Variants in STPG2 observed in about 807,000 individuals in gnomAD.
STPG2 encodes the protein sperm tail PG-rich repeat containing 2.
In STPG2, 56 loss-of-function variants were observed where a neutral mutation model predicts 54.2. The observed-to-expected ratio is 1.03, with a 90% CI of 0.83 to 1.29. The LOEUF (loss-of-function observed/expected upper bound fraction) is 1.29. STPG2 is among the 50% of genes most tolerant of loss of function. The probability of loss-of-function intolerance (pLI) is 0.00; values close to 1 mark genes in which losing one functional copy is unlikely to be tolerated. For missense variants in STPG2, 596 were observed against 544.9 expected (o/e 1.09, Z -0.93); for synonymous variants, 200 against 181.8 (o/e 1.10, Z -0.81).
intron 4 of STPG2, among the ~76,000 whole-genome samples, chr4:97,538,388 G>C (rs1381006542): frequency 6.6e-6 from 1 of 152,158 alleles, no homozygotes; most frequent in East Asian, 1.9e-4. Flanking sequence ...ACAACTACGT[G>C]ACAAATGCAC....
At chr4:97,928,337 G>A (rs886342081) in intron 8 of STPG2, among the ~76,000 whole-genome samples, 5 of 152,076 alleles carry the variant, frequency 3.3e-5, no homozygotes, top group African/African-American at 1.2e-4. Context: ...CTAACTCTTG[G>A]AAAAATTCAT....
chr4:97,948,975 G>T (rs1023688943), intron 7 of STPG2, among the ~76,000 whole-genome samples: 3 of 152,042 alleles, frequency 2.0e-5, no homozygotes, highest in African/African-American at 7.2e-5. Context: ...TTGAATTTCT[G>T]TCTCAGTCAT....
At chr4:97,645,874 C>T (rs1188492574) in intron 10 of STPG2, among the ~76,000 whole-genome samples, 1 of 152,078 alleles carries the variant, frequency 6.6e-6, no homozygotes, top group East Asian at 1.9e-4. Context: ...AGTTTTCTCA[C>T]CTATATTTAA....
At chr4:97,922,597 G>A (rs1732149934) in intron 8 of STPG2, among the ~76,000 whole-genome samples, 2 of 152,142 alleles carry the variant, frequency 1.3e-5, no homozygotes, top group South Asian at 2.1e-4. Context: ...TAGCCAATGG[G>A]GTGAAATGTA....
At chr4:97,946,307 A>T (rs564407598) in intron 7 of STPG2, among the ~76,000 whole-genome samples, 1 of 152,034 alleles carries the variant, frequency 6.6e-6, no homozygotes, top group South Asian at 2.1e-4. Context: ...CCTTTGCCCA[A>T]TGCATAGTTT....
chr4:97,544,103 A>C (rs1430722385), intron 4 of STPG2, among the ~76,000 whole-genome samples: 1 of 152,128 alleles, frequency 6.6e-6, no homozygotes, highest in Non-Finnish European at 1.5e-5. Flanking sequence ...TAACAAATTT[A>C]ACTAAGCAAA....
At chr4:97,919,124 CAT>C (rs1731998142) in intron 8 of STPG2, among the ~76,000 whole-genome samples, 1 of 151,810 alleles carries the variant, frequency 6.6e-6, no homozygotes, top group African/African-American at 2.4e-5. Context: ...GAAAAACAAA[CAT>C]GAATTAAAAA....
intron 10 of STPG2, among the ~76,000 whole-genome samples, chr4:97,649,958 G>A (rs904465173): frequency 3.3e-5 from 5 of 152,058 alleles, no homozygotes; most frequent in Non-Finnish European, 7.4e-5. Context: ...GGAGCCCTGA[G>A]CTTGTTTTCC....
At chr4:98,079,891 T>C (rs554049106) in intron 5 of STPG2, among the ~76,000 whole-genome samples, 6 of 152,256 alleles carry the variant, frequency 3.9e-5, no homozygotes, top group East Asian at 3.9e-4. Flanking sequence ...AAAAAGAATA[T>C]TCACTTAGAG....
intron 9 of STPG2, among the ~76,000 whole-genome samples, chr4:97,714,928 A>C (rs1349436676): frequency 6.6e-6 from 1 of 152,150 alleles, no homozygotes; most frequent in Non-Finnish European, 1.5e-5. Flanking sequence ...CTCTACCCTT[A>C]CCATCAGGCT....
chr4:97,636,960 GA>G (rs1370110692), intron 10 of STPG2, among the ~76,000 whole-genome samples: 2 of 152,068 alleles, frequency 1.3e-5, no homozygotes, highest in East Asian at 1.9e-4. Flanking sequence ...CCAATCAATA[GA>G]AAAAGAGGGA....
intron 8 of STPG2, among the ~76,000 whole-genome samples, chr4:97,928,841 CTTT>C (rs1357363664): frequency 4.0e-5 from 6 of 151,824 alleles, no homozygotes; most frequent in Admixed American, 3.3e-4. Flanking sequence ...ATTAAGTCTT[CTTT>C]TATTTGTGTA....
chr4:97,771,565 C>A (rs1726221479), intron 9 of STPG2, among the ~76,000 whole-genome samples: 1 of 152,106 alleles, frequency 6.6e-6, no homozygotes. Context: ...CATAGGTGAG[C>A]ATAGCTAGGC....
chr4:97,658,767 A>G (rs1270932952), intron 10 of STPG2, among the ~76,000 whole-genome samples: 1 of 152,240 alleles, frequency 6.6e-6, no homozygotes, highest in Non-Finnish European at 1.5e-5. Flanking sequence ...TTAAAAAGTT[A>G]CATACACATG....
At chr4:97,721,593 A>C (rs1724450507) in intron 9 of STPG2, among the ~76,000 whole-genome samples, 1 of 152,132 alleles carries the variant, frequency 6.6e-6, no homozygotes, top group Admixed American at 6.5e-5. Context: ...ATACTCTATA[A>C]TAAAAAAAAT....
intron 4 of STPG2, among the ~76,000 whole-genome samples, chr4:97,526,464 T>TTTTG (rs563291679): frequency 2.6e-5 from 4 of 151,994 alleles, no homozygotes; most frequent in Non-Finnish European, 4.4e-5. Context: ...TTTTGTTTCT[T>TTTTG]TTTGTTTGTT....
intron 8 of STPG2, among the ~76,000 whole-genome samples, chr4:97,868,134 C>T (rs751735806): frequency 1.4e-4 from 21 of 151,828 alleles, no homozygotes; most frequent in Admixed American, 2.0e-4. Flanking sequence ...TTTCCCTGTT[C>T]GTTTTTCATA....
intron 9 of STPG2, among the ~76,000 whole-genome samples, chr4:97,767,734 G>A (rs911325892): frequency 6.6e-6 from 1 of 152,058 alleles, no homozygotes; most frequent in Admixed American, 6.6e-5. Flanking sequence ...TTATATATAT[G>A]ATAAGCCCAC....
intron 10 of STPG2, among the ~76,000 whole-genome samples, chr4:97,649,895 A>T (rs2148952367): frequency 6.6e-6 from 1 of 152,218 alleles, no homozygotes; most frequent in African/African-American, 2.4e-5. Flanking sequence ...TTATTATTAA[A>T]TTGTGATATA....
Sources: allele counts gnomAD v4.1 joint callset (sites outside exome capture counted in the v4.1 genomes callset), GRCh38; gene constraint gnomAD v4.1.1; transcripts MANE v1.5; gene names NCBI Gene and HGNC (gene_info 2026-07-23, HGNC 2026-07-21).